Variants in NRG1 observed in about 807,000 individuals in gnomAD.
NRG1 encodes the protein neuregulin 1.
Under a neutral mutation model 63.8 loss-of-function variants are expected in NRG1, and 18 were observed. The observed-to-expected ratio is 0.28, with a 90% CI of 0.19 to 0.42. The LOEUF is 0.42. Ranked by LOEUF, NRG1 falls within the 10% of genes least tolerant of loss-of-function variation. The pLI is 1.00. For synonymous variants in NRG1, 302 were observed against 301.3 expected (o/e 1.00, Z -0.02); for missense variants, 762 against 814.7 (o/e 0.94, Z 0.79).
intron 1 of NRG1, among the ~76,000 whole-genome samples, chr8:31,683,579 G>T (rs1808563037): frequency 1.3e-5 from 2 of 152,150 alleles, no homozygotes; most frequent in Non-Finnish European, 2.9e-5. Context: ...AGGATCTTCA[G>T]GGCGGTGAAA....
In NRG1 at chr8:32,209,480, C is replaced by G. The variant is rs1844433243; in HGVS notation, c.38-386348C>G. 2.0e-5 allele frequency among the ~76,000 whole-genome samples: 3 copies of G among 152,038 alleles called. No homozygotes were observed. The South Asian group carries it at 6.2e-4, about 32-fold the overall frequency. Reference sequence around the variant, plus strand: ...TATAAAAGCCTTTTATAAATTTATACATACCTTTCAGTGTTGTTTGAATTT... The same window carrying G: ...TATAAAAGCCTTTTATAAATTTATAGATACCTTTCAGTGTTGTTTGAATTT... On this transcript the variant is annotated intron_variant, in intron 1 of 10. Coordinates refer to the NRG1 transcript ENST00000519301.
chr8:32,759,230 T>C (rs1259672786), intron 9 of NRG1, 76 bp from the exon 10 acceptor site: 1 of 1,479,480 alleles, frequency 6.8e-7, no homozygotes, highest in East Asian at 2.3e-5. Flanking sequence ...AACGTTTTTA[T>C]TTACATGACA....
chr8:32,130,223 C>CT (rs1426698304), intron 1 of NRG1, among the ~76,000 whole-genome samples: 1 of 151,722 alleles, frequency 6.6e-6, no homozygotes, highest in Non-Finnish European at 1.5e-5. Flanking sequence ...CACATTAGGT[C>CT]TTTTCCCTAA....
intron 1 of NRG1, among the ~76,000 whole-genome samples, chr8:32,496,653 G>C (rs1026337117): frequency 6.6e-6 from 1 of 152,042 alleles, no homozygotes; most frequent in Non-Finnish European, 1.5e-5. Context: ...GTTAACCAGG[G>C]TGCATGGGAT....
chr8:32,189,831 A>G (rs894069233), intron 1 of NRG1, among the ~76,000 whole-genome samples: 10 of 152,170 alleles, frequency 6.6e-5, no homozygotes, highest in African/African-American at 1.7e-4. Flanking sequence ...TCTTCTACCA[A>G]TCACTGGAGT....
At chr8:32,321,171 A>G (rs1426852037) in intron 1 of NRG1, among the ~76,000 whole-genome samples, 3 of 152,192 alleles carry the variant, frequency 2.0e-5, no homozygotes, top group Non-Finnish European at 4.4e-5. Context: ...ACTATGCCAT[A>G]TACCTCGATT....
intron 1 of NRG1, among the ~76,000 whole-genome samples, chr8:32,226,529 A>C (rs1846343827): frequency 6.6e-6 from 1 of 152,192 alleles, no homozygotes; most frequent in African/African-American, 2.4e-5. Context: ...TGCCTAAATT[A>C]GAAAAAAAAA....
intron 1 of NRG1, among the ~76,000 whole-genome samples, chr8:32,356,484 CA>C (rs59641365): frequency 0.29 from 28,818 of 98,460 alleles, 4,753 homozygotes; most frequent in East Asian, 0.51. Flanking sequence ...ACCCCCCCCC[CA>C]CCCGCCGGGC....
chr8:32,253,518 G>A (rs1441480265), intron 1 of NRG1, among the ~76,000 whole-genome samples: 2 of 152,192 alleles, frequency 1.3e-5, no homozygotes, highest in African/African-American at 4.8e-5. Flanking sequence ...TGTTGAACCA[G>A]CCTTGCATCC....
At chr8:31,875,207 A>T (rs1829817758) in intron 1 of NRG1, among the ~76,000 whole-genome samples, 1 of 152,138 alleles carries the variant, frequency 6.6e-6, no homozygotes, top group African/African-American at 2.4e-5. Context: ...AGTGAAGGAA[A>T]TTATAAAAGC....
chr8:32,536,922 C>CAAAAAAAAAAAA (rs35265022), intron 1 of NRG1, among the ~76,000 whole-genome samples: 2 of 35,912 alleles, frequency 5.6e-5, no homozygotes, highest in African/African-American at 1.5e-4. Flanking sequence ...GACTCCGTCT[C>CAAAAAAAAAAAA]AAAAAAAAAA....
chr8:32,269,283 G>T (rs1483694613), intron 1 of NRG1, among the ~76,000 whole-genome samples: 1 of 152,162 alleles, frequency 6.6e-6, no homozygotes, highest in Non-Finnish European at 1.5e-5. Flanking sequence ...GGAGGGTAAA[G>T]TTGTGTTTTT....
intron 1 of NRG1, among the ~76,000 whole-genome samples, chr8:31,758,904 G>C (rs907269582): frequency 6.6e-6 from 1 of 152,108 alleles, no homozygotes; most frequent in African/African-American, 2.4e-5. Flanking sequence ...GACATACTCT[G>C]TGTTCTAGCC....
At chr8:32,339,851 G>A (rs1256084205) in intron 1 of NRG1, among the ~76,000 whole-genome samples, 1 of 152,100 alleles carries the variant, frequency 6.6e-6, no homozygotes, top group Non-Finnish European at 1.5e-5. Context: ...GCCTTGAAAT[G>A]CTAAATAGTC....
chr8:32,261,358 AGTGTGTGTGTGT>A (rs3055547), intron 1 of NRG1, among the ~76,000 whole-genome samples: 3 of 148,264 alleles, frequency 2.0e-5, no homozygotes, highest in Non-Finnish European at 1.5e-5. Context: ...TGCTCCTATT[AGTGTGTGTGTGT>A]GTGTGTGTGT....
chr8:32,394,884 A>G (rs1047026559), intron 1 of NRG1, among the ~76,000 whole-genome samples: 36 of 152,198 alleles, frequency 2.4e-4, no homozygotes, highest in Admixed American at 3.3e-4. Context: ...GTGCTTCATT[A>G]TAGGTAAGTC....
At chr8:32,597,227 A>G (rs2129537786) in intron 2 of NRG1, among the ~76,000 whole-genome samples, 1 of 152,296 alleles carries the variant, frequency 6.6e-6, no homozygotes, top group East Asian at 1.9e-4. Flanking sequence ...GAAGCAACAG[A>G]ACAATCTCCT....
chr8:32,063,810 A>G lies in NRG1; in HGVS notation c.37+424379A>G, dbSNP rs186439576. ...CATATCACCTACCCTACAACTCATA[A>G]TTAACTTATATAAAGTTTTTTTTGT... On this transcript the variant is annotated intron_variant, in intron 1 of 10. Coordinates refer to the NRG1 transcript ENST00000519301. Among the ~76,000 whole-genome samples the G allele has an allele frequency of 2.7e-3, 408 of 152,242 alleles. 3 individuals carry two copies. The highest frequency in any genetic ancestry group is 9.4e-3 in the African/African-American group (389 of 41,558).
chr8:32,072,665 C>A (rs1825926362), intron 1 of NRG1, among the ~76,000 whole-genome samples: 1 of 152,058 alleles, frequency 6.6e-6, no homozygotes, highest in Admixed American at 6.6e-5. Context: ...GGTAGGAGGG[C>A]AAATAACATA....
Sources: allele counts gnomAD v4.1 joint callset (sites outside exome capture counted in the v4.1 genomes callset), GRCh38; gene constraint gnomAD v4.1.1; transcripts MANE v1.5; gene names NCBI Gene and HGNC (gene_info 2026-07-23, HGNC 2026-07-21).